Variants in ADAMTS16 observed in about 807,000 individuals in gnomAD.
ADAMTS16 encodes ADAM metallopeptidase with thrombospondin type 1 motif 16, also known as A disintegrin and metalloproteinase with thrombospondin motifs 16.
Under a neutral mutation model 145.8 loss-of-function variants are expected in ADAMTS16, and 94 were observed. The ratio of observed to expected loss-of-function variants is 0.64; its 90% confidence interval spans 0.55 to 0.77. ADAMTS16 has a LOEUF of 0.77. Among genes scored for constraint, ADAMTS16 ranks in the 30% least tolerant of loss-of-function variants. The pLI is 0.00. For synonymous variants in ADAMTS16, 659 were observed against 604.3 expected (o/e 1.09, Z -1.33); for missense variants, 1,585 against 1,591.5 (o/e 1.00, Z 0.07).
intron 18 of ADAMTS16, among the ~76,000 whole-genome samples, chr5:5,302,793 C>T (rs957269730): frequency 5.9e-5 from 9 of 152,044 alleles, no homozygotes; most frequent in Non-Finnish European, 8.8e-5. Context: ...GGTGATATTA[C>T]GGTTATGTTT....
At chr5:5,182,000 GA>G in intron 3 of ADAMTS16, 43 bp from the exon 4 acceptor site, 1 of 1,561,096 alleles carries the variant, frequency 6.4e-7, no homozygotes, top group East Asian at 2.3e-5. Flanking sequence ...GCTTCAACCA[GA>G]AAGTCTAATT....
chr5:5,215,810 G>GT lies in ADAMTS16; in HGVS notation c.1605+6564_1605+6565insT, dbSNP rs1309221181. On this transcript the variant is annotated intron_variant, in intron 10 of 22. Coordinates refer to ENST00000274181, the MANE Select transcript of ADAMTS16 (RefSeq NM_139056.4). ...ATATATGTGTGGTATATATATGTGT[G>GT]GTATATATATGTGGTATATATATGT... 1.8e-3 allele frequency among the ~76,000 whole-genome samples: 194 copies of GT among 108,286 alleles called. 1 individual carries two copies. The highest frequency in any genetic ancestry group is 9.4e-3 in the Middle Eastern group (2 of 212). 71.0% of individuals were successfully genotyped at this position (108,286 alleles called of 152,430 possible).
At chr5:5,251,434 C>T (rs935586398) in intron 17 of ADAMTS16, among the ~76,000 whole-genome samples, 2 of 152,200 alleles carry the variant, frequency 1.3e-5, no homozygotes, top group African/African-American at 2.4e-5. Flanking sequence ...ACAAATAATG[C>T]TTCTATACTC....
intron 18 of ADAMTS16, among the ~76,000 whole-genome samples, chr5:5,276,111 G>A (rs77016393): frequency 9.2e-5 from 14 of 151,468 alleles, no homozygotes; most frequent in African/African-American, 3.1e-4. Flanking sequence ...CACCCATCTT[G>A]GCCTCCCAAA....
At chr5:5,247,395 G>A (rs889689464) in intron 17 of ADAMTS16, among the ~76,000 whole-genome samples, 1 of 151,904 alleles carries the variant, frequency 6.6e-6, no homozygotes, top group African/African-American at 2.4e-5. Flanking sequence ...CAAAAAAGCA[G>A]AGAGAAAAAC....
Position 5,158,414 on chromosome 5 carries a change from GTC to G in ADAMTS16, c.501+11963_501+11964del, listed in dbSNP as rs1734656351. Among the ~76,000 whole-genome samples, 9 of 152,116 alleles carry G rather than the reference GTC, an allele frequency of 5.9e-5. No individual in the cohort carries two copies. In the South Asian group the frequency reaches 1.9e-3, roughly 31 times the overall value. On this transcript the variant is annotated intron_variant, in intron 3 of 22. Transcript: ENST00000274181. The stretch of plus-strand genomic sequence containing the variant: ...GCTAGTTCTATCTGTACTGGAAAGA[GTC>G]TCTGTATCTACAGAGGGAGTGCATT...
intron 18 of ADAMTS16, among the ~76,000 whole-genome samples, chr5:5,288,327 T>G (rs1243533698): frequency 6.6e-6 from 1 of 152,212 alleles, no homozygotes; most frequent in East Asian, 1.9e-4. Flanking sequence ...GAACCTATGT[T>G]ACTCATGAAA....
chr5:5,165,182 A>C (rs929815896), intron 3 of ADAMTS16, among the ~76,000 whole-genome samples: 3 of 152,020 alleles, frequency 2.0e-5, no homozygotes, highest in Non-Finnish European at 4.4e-5. Context: ...TGGCCATTTC[A>C]TAGAAATGGA....
intron 9 of ADAMTS16, 67 bp downstream of exon 9, chr5:5,200,336 G>A: frequency 6.3e-7 from 1 of 1,589,948 alleles, no homozygotes; most frequent in East Asian, 2.2e-5. Context: ...TGGTCAGCCA[G>A]ATCCTGTGCA....
intron 3 of ADAMTS16, among the ~76,000 whole-genome samples, chr5:5,159,821 A>G (rs555102586): frequency 3.9e-5 from 6 of 152,338 alleles, no homozygotes; most frequent in South Asian, 2.1e-4. Context: ...AAAGTTGTCT[A>G]TTCCCAACAC....
chr5:5,171,847 A>G (rs926625344), intron 3 of ADAMTS16, among the ~76,000 whole-genome samples: 2 of 152,082 alleles, frequency 1.3e-5, no homozygotes, highest in African/African-American at 4.8e-5. Context: ...GTAGGAGTGT[A>G]TTAATTCTTT....
At chr5:5,181,326 A>G (rs16874918) in intron 3 of ADAMTS16, among the ~76,000 whole-genome samples, 7,963 of 152,242 alleles carry the variant, frequency 0.052, 478 homozygotes, top group African/African-American at 0.14. Context: ...GCTCACCAAC[A>G]ATCGTGCTAC....
At chr5:5,223,781 T>C (rs939675652) in intron 11 of ADAMTS16, 1 of 152,150 alleles carries the variant, frequency 6.6e-6, no homozygotes, top group Admixed American at 6.5e-5. Context: ...TAATTACATT[T>C]TTTAAATATA....
chr5:5,199,306 T>G (rs1025857397), intron 8 of ADAMTS16, among the ~76,000 whole-genome samples: 2 of 152,198 alleles, frequency 1.3e-5, no homozygotes, highest in Non-Finnish European at 2.9e-5. Flanking sequence ...TCTCAACACC[T>G]CTGATGGCCC....
intron 3 of ADAMTS16, among the ~76,000 whole-genome samples, chr5:5,159,839 T>C (rs993270122): frequency 1.3e-5 from 2 of 152,202 alleles, no homozygotes; most frequent in African/African-American, 4.8e-5. Context: ...CACCGGGAGA[T>C]CACTTGTGCT....
At chr5:5,313,467 A>G (rs1740538025) in intron 21 of ADAMTS16, among the ~76,000 whole-genome samples, 1 of 152,178 alleles carries the variant, frequency 6.6e-6, no homozygotes, top group Non-Finnish European at 1.5e-5. Context: ...GCTTAGTGTC[A>G]GGTTGTTCCC....
chr5:5,255,818 A>G (rs769671536), intron 17 of ADAMTS16, among the ~76,000 whole-genome samples: 5 of 152,206 alleles, frequency 3.3e-5, no homozygotes, highest in Admixed American at 6.5e-5. Flanking sequence ...TTTTGTTTCT[A>G]TATCAGATCC....
chr5:5,179,241 C>T (rs576595150), intron 3 of ADAMTS16, among the ~76,000 whole-genome samples: 5 of 151,084 alleles, frequency 3.3e-5, no homozygotes, highest in Admixed American at 1.3e-4. Flanking sequence ...CTGCAGTGTC[C>T]GACTCACCCG....
chr5:5,304,619 C>G (rs753003132), intron 20 of ADAMTS16, among the ~76,000 whole-genome samples: 1 of 152,230 alleles, frequency 6.6e-6, no homozygotes, highest in Non-Finnish European at 1.5e-5. Flanking sequence ...TCTCCACCCT[C>G]GAACGATGGC....
Sources: gnomAD v4.1 joint callset for allele counts (sites outside exome capture counted in the v4.1 genomes callset) on GRCh38, gnomAD v4.1.1 for gene constraint, MANE v1.5 for transcripts, NCBI Gene and HGNC (gene_info 2026-07-23, HGNC 2026-07-21) for gene names.